The following KCNMA1 variants were observed in gnomAD, a reference collection of about 807,000 sequenced individuals.
The protein encoded by KCNMA1 is potassium calcium-activated channel subfamily M alpha 1, also known as Calcium-activated potassium channel subunit alpha-1.
KCNMA1 carries 29 observed loss-of-function variants against 140.0 expected under a neutral mutation model. The observed-to-expected ratio is 0.21, with a 90% CI of 0.15 to 0.28. KCNMA1 has a LOEUF of 0.28. KCNMA1 is among the 10% of genes least tolerant of loss of function. The pLI is 1.00. For missense variants in KCNMA1, 880 were observed against 1,602.2 expected (o/e 0.55, Z 7.70); for synonymous variants, 612 against 611.9 (o/e 1.00, Z 0.00).
intron 2 of KCNMA1, among the ~76,000 whole-genome samples, chr10:77,262,217 A>G (rs2154267586): frequency 6.6e-6 from 1 of 152,334 alleles, no homozygotes; most frequent in South Asian, 2.1e-4. Flanking sequence ...ACAATGGAAT[A>G]CTATTCAGTG....
At chr10:77,163,239 A>T (rs993237921) in intron 5 of KCNMA1, among the ~76,000 whole-genome samples, 4 of 152,206 alleles carry the variant, frequency 2.6e-5, no homozygotes, top group African/African-American at 9.7e-5. Flanking sequence ...GGAATATGAA[A>T]ATTGTATGAA....
At position 77,394,624 on chromosome 10, in the gene KCNMA1, G is replaced by A. The variant is rs528025548; in HGVS notation, c.540+9238C>T. ...TTCACCCCAGCTGGGAATCTGCTAT[G>A]GAACTTGGGGACCCACCTGGCTCTG... On this transcript the variant is annotated intron_variant, in intron 2 of 27. Transcript: ENST00000286628. Among the ~76,000 whole-genome samples, 6 of 152,326 alleles carry A rather than the reference G, an allele frequency of 3.9e-5. No homozygotes were observed. In the South Asian group the frequency reaches 1.2e-3, roughly 32 times the overall value.
chr10:77,419,829 G>A (rs2096829582), intron 1 of KCNMA1, among the ~76,000 whole-genome samples: 1 of 152,148 alleles, frequency 6.6e-6, no homozygotes, highest in Non-Finnish European at 1.5e-5. Flanking sequence ...TGGAAAGCAG[G>A]ACTGAGAACC....
chr10:77,172,705 A>C (rs374994708), intron 5 of KCNMA1, among the ~76,000 whole-genome samples: 18 of 150,190 alleles, frequency 1.2e-4, no homozygotes, highest in African/African-American at 4.1e-4. Context: ...AAAAAAACAA[A>C]AAAAAAAAAG....
intron 1 of KCNMA1, among the ~76,000 whole-genome samples, chr10:77,499,950 A>G (rs149141804): frequency 1.3e-5 from 2 of 152,256 alleles, no homozygotes; most frequent in East Asian, 3.8e-4. Flanking sequence ...ATATTATGGA[A>G]TGGGGGAATG....
At chr10:77,625,834 C>T (rs1374861577) in intron 1 of KCNMA1, among the ~76,000 whole-genome samples, 1 of 152,108 alleles carries the variant, frequency 6.6e-6, no homozygotes, top group Non-Finnish European at 1.5e-5. Context: ...CTCCTTAAGA[C>T]CCTGCTTTTA....
At chr10:77,087,860 A>G (rs1171177392) in intron 10 of KCNMA1, among the ~76,000 whole-genome samples, 1 of 152,156 alleles carries the variant, frequency 6.6e-6, no homozygotes, top group Non-Finnish European at 1.5e-5. Context: ...TAATGACAAT[A>G]ATAATAATAG....
intron 5 of KCNMA1, among the ~76,000 whole-genome samples, chr10:77,151,548 C>G (rs2098419107): frequency 1.3e-5 from 2 of 152,106 alleles, no homozygotes; most frequent in Admixed American, 1.3e-4. Flanking sequence ...GTTTCTACAG[C>G]TACTTTGCAA....
chr10:77,589,139 C>T (rs1376492777), intron 1 of KCNMA1, among the ~76,000 whole-genome samples: 1 of 152,170 alleles, frequency 6.6e-6, no homozygotes, highest in Non-Finnish European at 1.5e-5. Context: ...GTACCAATCC[C>T]TAATCTAGTG....
intron 5 of KCNMA1, among the ~76,000 whole-genome samples, 169 bp downstream of exon 5, chr10:77,183,252 G>A (rs944509204): frequency 1.9e-4 from 29 of 152,172 alleles, no homozygotes; most frequent in Non-Finnish European, 3.4e-4. Flanking sequence ...TGGGGCTAGT[G>A]CTCCAAAGAG....
chr10:77,589,001 T>C (rs2078168374), intron 1 of KCNMA1, among the ~76,000 whole-genome samples: 2 of 152,246 alleles, frequency 1.3e-5, no homozygotes, highest in Admixed American at 6.5e-5. Context: ...AGTTAGTCTC[T>C]GTAGCAAATG....
At position 77,016,508 on chromosome 10, in the gene KCNMA1, G is replaced by C. The variant is rs1382411457; in HGVS notation, c.2015+2505C>G. 3.3e-5 allele frequency among the ~76,000 whole-genome samples: 5 copies of C among 151,814 alleles called. No individual in the cohort carries two copies. The East Asian group carries it at 9.7e-4, about 29-fold the overall frequency. The stretch of plus-strand genomic sequence containing the variant: ...TTGAGACTGCTTCCCGGTATTGTTG[G>C]GTCTGCCAATTTTTCAGGAGAAATG... On this transcript the variant is annotated intron_variant, in intron 17 of 27. Transcript: ENST00000286628.
rs116142454 is a variant in KCNMA1, at chr10:77,602,802, G to A, written c.378+34463C>T. ...CACCCTCATCCCTCCCGTGGATTTC[G>A]GGGTTCTGAGTAACCAAAGCAAGCA... On this transcript the variant is annotated intron_variant, in intron 1 of 27. Transcript: ENST00000286628. Among the ~76,000 whole-genome samples the A allele has an allele frequency of 3.2e-3, 493 of 152,266 alleles. 4 individuals are homozygous for A. Among genetic ancestry groups the A allele is most frequent in the African/African-American group, 0.011 (455 of 41,540 alleles).
intron 2 of KCNMA1, among the ~76,000 whole-genome samples, chr10:77,260,233 A>C (rs982512443): frequency 2.0e-5 from 3 of 152,142 alleles, no homozygotes; most frequent in Non-Finnish European, 4.4e-5. Flanking sequence ...GGGGGAGCTG[A>C]GGTTGAGAAT....
At chr10:77,090,565 C>T (rs2096788941) in intron 9 of KCNMA1, 55 bp from the exon 10 acceptor site, 2 of 1,162,564 alleles carry the variant, frequency 1.7e-6, no homozygotes, top group African/African-American at 1.5e-5. Context: ...GACCCTGCAT[C>T]CCACCCCCTG....
intron 2 of KCNMA1, among the ~76,000 whole-genome samples, chr10:77,272,150 A>G (rs576319331): frequency 6.6e-6 from 1 of 152,288 alleles, no homozygotes; most frequent in East Asian, 1.9e-4. Context: ...TTGTTGACTT[A>G]CTTCTTACTT....
intron 20 of KCNMA1, among the ~76,000 whole-genome samples, chr10:76,969,327 A>AAGGAAGGAAGGAAGGAAGGG (rs1290404000): frequency 6.7e-6 from 1 of 150,094 alleles, no homozygotes; most frequent in East Asian, 2.0e-4. Context: ...GGAAGGAAGG[A>AAGGAAGGAAGGAAGGAAGGG]AGGGAGGAAA....
intron 25 of KCNMA1, among the ~76,000 whole-genome samples, chr10:76,906,590 G>A (rs899321607): frequency 8.5e-5 from 13 of 152,200 alleles, no homozygotes; most frequent in Admixed American, 3.3e-4. Flanking sequence ...GGGGAGGAGC[G>A]CTAGAATAAG....
chr10:77,132,934 A>G (rs2097896256), intron 5 of KCNMA1, among the ~76,000 whole-genome samples: 1 of 152,188 alleles, frequency 6.6e-6, no homozygotes, highest in Non-Finnish European at 1.5e-5. Flanking sequence ...GTTTTAAATG[A>G]ATAAATAATA....
Sources: gnomAD v4.1 joint callset for allele counts (sites outside exome capture counted in the v4.1 genomes callset) on GRCh38, gnomAD v4.1.1 for gene constraint, MANE v1.5 for transcripts, NCBI Gene and HGNC (gene_info 2026-07-23, HGNC 2026-07-21) for gene names.